ASH1L: variants seen among roughly 807,000 people sequenced by gnomAD.
ASH1L encodes ASH1 like histone lysine methyltransferase.
In ASH1L, 23 loss-of-function variants were observed where a neutral mutation model predicts 269.0. The observed-to-expected ratio is 0.09, with a 90% CI of 0.06 to 0.12. The LOEUF (loss-of-function observed/expected upper bound fraction) is 0.12, where lower values mean the gene tolerates loss of function less well. Ranked by LOEUF, ASH1L falls within the 10% of genes least tolerant of loss-of-function variation. The pLI, the probability that ASH1L is intolerant of heterozygous loss-of-function variation, is 1.00. For missense variants in ASH1L, 2,912 were observed against 3,567.8 expected (o/e 0.82, Z 4.68); for synonymous variants, 1,187 against 1,253.5 (o/e 0.95, Z 1.12).
chr1:155,395,643 A>T (rs1188536073), intron 6 of ASH1L, 90 bp from the exon 7 acceptor site: 1 of 815,626 alleles, frequency 1.2e-6, no homozygotes, highest in East Asian at 2.7e-5. Context: ...CTATGAGGAG[A>T]GGGTACCAAG....
intron 1 of ASH1L, among the ~76,000 whole-genome samples, chr1:155,543,236 C>A (rs1332757752): frequency 2.0e-5 from 3 of 151,890 alleles, no homozygotes; most frequent in South Asian, 4.2e-4. Context: ...GTCAGCCGGG[C>A]GTGGTGGCTC....
Position 155,562,273 on chromosome 1 carries a change from G to A in ASH1L, c.-220C>T, listed in dbSNP as rs1197304302. The A allele has an allele frequency of 4.4e-6, 7 of 1,608,872 alleles. No homozygotes were observed. The highest frequency in any genetic ancestry group is 1.7e-4 in the Middle Eastern group (1 of 6,046). ...ACGGCGGATCCCTCCCGCTTGTCAGGAGGCGGCCAGCGGGTAAGCTGACTG... is the reference window on the plus strand; with the variant it reads ...ACGGCGGATCCCTCCCGCTTGTCAGAAGGCGGCCAGCGGGTAAGCTGACTG... On this transcript the variant is annotated 5_prime_UTR_variant, in exon 1 of 28. Coordinates refer to ENST00000392403, the MANE Select transcript of ASH1L (RefSeq NM_018489.3).
At chr1:155,470,621 G>T (rs1381650644) in intron 3 of ASH1L, among the ~76,000 whole-genome samples, 3 of 146,158 alleles carry the variant, frequency 2.1e-5, no homozygotes, top group Non-Finnish European at 4.5e-5. Context: ...GTGCAATCTC[G>T]GCTCACTACA....
At chr1:155,379,974 A>C in intron 8 of ASH1L, 69 bp downstream of exon 8, 1 of 1,145,842 alleles carries the variant, frequency 8.7e-7, no homozygotes, top group East Asian at 2.4e-5. Context: ...GGAGAGAAAA[A>C]CACTTGCATT....
In ASH1L at chr1:155,444,808, G is replaced by A. The variant is rs1347071237; in HGVS notation, c.5087-5740C>T. Among the ~76,000 whole-genome samples the A allele has an allele frequency of 2.7e-5, 4 of 147,874 alleles. 1 individual carries two copies. Among genetic ancestry groups the A allele is most frequent in the African/African-American group, 5.4e-5 (2 of 37,368 alleles). ...ATTTTTTTGTATTTTTAGTAGAGAC[G>A]GGGTTTCACCGTTTTAGCCGGGATG... On this transcript the variant is annotated intron_variant, in intron 4 of 27. Transcript: ENST00000392403.
At chr1:155,474,018 A>C (rs1558141728) in intron 3 of ASH1L, among the ~76,000 whole-genome samples, 1 of 152,150 alleles carries the variant, frequency 6.6e-6, no homozygotes, top group East Asian at 1.9e-4. Flanking sequence ...TTATTTTAGT[A>C]GAGACAGGTT....
Position 155,433,229 on chromosome 1 carries a change from G to A in ASH1L, c.5828+5098C>T, listed in dbSNP as rs368132581. 1.1e-4 allele frequency: 173 copies of A among 1,550,118 alleles called. No homozygotes were observed. In the South Asian group the frequency reaches 1.8e-3, roughly 16 times the overall value. On this transcript the variant is annotated intron_variant, in intron 5 of 27. Coordinates refer to ENST00000392403, the MANE Select transcript of ASH1L (RefSeq NM_018489.3). ...GCCTGCCTTCTTGCCCCCTCCAGGC[G>A]GTGGAGGTGATGGGCCAGGGGGGCC...
At chr1:155,433,666 T>C (rs1360263194) in intron 5 of ASH1L, 9 of 1,602,378 alleles carry the variant, frequency 5.6e-6, no homozygotes, top group Non-Finnish European at 7.7e-6. Flanking sequence ...CCCTGGGATA[T>C]ACACAGGCCG....
At chr1:155,359,729 C>A (rs1318827459) in intron 13 of ASH1L, among the ~76,000 whole-genome samples, 1 of 152,082 alleles carries the variant, frequency 6.6e-6, no homozygotes, top group Non-Finnish European at 1.5e-5. Flanking sequence ...GCACATGCGA[C>A]CACACTTGGC....
intron 4 of ASH1L, among the ~76,000 whole-genome samples, chr1:155,439,353 T>A (rs1011289471): frequency 4.6e-4 from 70 of 150,600 alleles, no homozygotes; most frequent in Non-Finnish European, 5.3e-4. Flanking sequence ...AGGTCAAAAA[T>A]AAAAAATAAA....
intron 3 of ASH1L, among the ~76,000 whole-genome samples, chr1:155,465,343 A>G (rs1664608484): frequency 6.6e-6 from 1 of 151,738 alleles, no homozygotes; most frequent in East Asian, 1.9e-4. Flanking sequence ...TGGTTGGACA[A>G]AACATATGTT....
In ASH1L at chr1:155,562,367, C is replaced by T; in HGVS notation, c.-314G>A. The T allele has an allele frequency of 1.3e-6, 2 of 1,520,038 alleles. No homozygotes were observed. Among genetic ancestry groups the T allele is most frequent in the East Asian group, 4.8e-5 (2 of 41,718 alleles). 94.2% of individuals were successfully genotyped at this position (1,520,038 alleles called of 1,614,324 possible). On this transcript the variant is annotated 5_prime_UTR_variant, in exon 1 of 28. Transcript: ENST00000392403. ...GGGGCAAACTGAGGGGAGGCGGGTC[C>T]CGCAACCGAGACTGGGATCGTCTCC...
intron 1 of ASH1L, among the ~76,000 whole-genome samples, chr1:155,555,107 A>G (rs1286611450): frequency 3.4e-5 from 5 of 147,736 alleles, no homozygotes; most frequent in African/African-American, 1.3e-4. Flanking sequence ...GTGCCACTAC[A>G]CTTCAGCTTT....
At chr1:155,422,451 T>C (rs910494783) in intron 5 of ASH1L, among the ~76,000 whole-genome samples, 6 of 151,538 alleles carry the variant, frequency 4.0e-5, no homozygotes, top group African/African-American at 1.5e-4. Flanking sequence ...TTTCACCATG[T>C]TTGCCAGGCT....
At chr1:155,391,017 C>T (rs1657887414) in intron 7 of ASH1L, among the ~76,000 whole-genome samples, 1 of 151,720 alleles carries the variant, frequency 6.6e-6, no homozygotes, top group South Asian at 2.1e-4. Flanking sequence ...GCAATCTCTG[C>T]TCACTGTAAC....
intron 5 of ASH1L, among the ~76,000 whole-genome samples, chr1:155,436,006 G>A (rs967584616): frequency 2.0e-5 from 3 of 152,040 alleles, no homozygotes; most frequent in Non-Finnish European, 2.9e-5. Context: ...AGTGGAGATC[G>A]TGCCATTGCA....
At chr1:155,487,532 AT>A (rs1452872262) in intron 2 of ASH1L, among the ~76,000 whole-genome samples, 1 of 151,824 alleles carries the variant, frequency 6.6e-6, no homozygotes, top group African/African-American at 2.4e-5. Flanking sequence ...TGTCTGGCTA[AT>A]TTTTTTGTGT....
chr1:155,546,420 C>A (rs1670831783), intron 1 of ASH1L, among the ~76,000 whole-genome samples: 1 of 151,904 alleles, frequency 6.6e-6, no homozygotes, highest in Non-Finnish European at 1.5e-5. Flanking sequence ...TTGCTTATAT[C>A]GTCATCTAAC....
At chr1:155,355,981 AG>A (rs1489104147) in intron 15 of ASH1L, among the ~76,000 whole-genome samples, 1 of 142,008 alleles carries the variant, frequency 7.0e-6, no homozygotes, top group African/African-American at 2.7e-5. Flanking sequence ...CTTGCTGCCC[AG>A]GCTAGAGTGC....
Sources: allele counts gnomAD v4.1 joint callset (sites outside exome capture counted in the v4.1 genomes callset), GRCh38; gene constraint gnomAD v4.1.1; transcripts MANE v1.5; gene names NCBI Gene and HGNC (gene_info 2026-07-23, HGNC 2026-07-21).